FBXL2: variants seen among roughly 807,000 people sequenced by gnomAD.
The protein encoded by FBXL2 is F-box and leucine rich repeat protein 2.
FBXL2 carries 38 observed loss-of-function variants against 69.2 expected under a neutral mutation model. The observed-to-expected ratio is 0.55, with a 90% CI of 0.42 to 0.72. FBXL2 has a LOEUF of 0.72. FBXL2 is among the 30% of genes least tolerant of loss of function. FBXL2 has a pLI of 0.00. For missense variants in FBXL2, 354 were observed against 520.3 expected (o/e 0.68, Z 3.11); for synonymous variants, 192 against 201.3 (o/e 0.95, Z 0.39).
intron 14 of FBXL2, among the ~76,000 whole-genome samples, chr3:33,385,062 C>T (rs1277924706): frequency 6.6e-6 from 1 of 152,106 alleles, no homozygotes; most frequent in Non-Finnish European, 1.5e-5. Context: ...TAAAGGCAAG[C>T]AATTTAAGGT....
intron 12 of FBXL2, chr3:33,401,075 C>A: frequency 6.8e-7 from 1 of 1,461,530 alleles, no homozygotes; most frequent in South Asian, 1.3e-5. Flanking sequence ...ATGTTTTAAT[C>A]AAGGCATTAA....
intron 2 of FBXL2, among the ~76,000 whole-genome samples, chr3:33,345,033 C>A (rs1025403180): frequency 1.3e-5 from 2 of 152,186 alleles, no homozygotes; most frequent in African/African-American, 4.8e-5. Flanking sequence ...CAATGAAAGT[C>A]TTATGTTAAC....
rs543170386 is a variant in FBXL2, at chr3:33,285,870, C to CA, written c.3+8356dup. On this transcript the variant is annotated intron_variant, in intron 1 of 14. Transcript: ENST00000484457. The stretch of plus-strand genomic sequence containing the variant: ...TGCATGCATCACGTGGTTCTCATGC[C>CA]ATGGTTTTCAGCTCCATCAGGTCAT... 1.2e-3 allele frequency among the ~76,000 whole-genome samples: 182 copies of CA among 152,278 alleles called. 2 individuals are homozygous for CA. The highest frequency in any genetic ancestry group is 4.2e-3 in the African/African-American group (174 of 41,554).
the FBXL2 span, among the ~76,000 whole-genome samples, chr3:33,418,988 G>A: frequency 4.6e-5 from 7 of 151,552 alleles, no homozygotes; most frequent in African/African-American, 1.7e-4. Flanking sequence ...CATATTGAAA[G>A]ACAACTTCCA....
At chr3:33,285,682 C>G (rs1205788073) in intron 1 of FBXL2, among the ~76,000 whole-genome samples, 20 of 152,206 alleles carry the variant, frequency 1.3e-4, no homozygotes, top group Admixed American at 1.2e-3. Flanking sequence ...GTACACCAAT[C>G]AGACGTAGAT....
chr3:33,287,634 C>T (rs2034785650), intron 1 of FBXL2, among the ~76,000 whole-genome samples: 1 of 152,140 alleles, frequency 6.6e-6, no homozygotes, highest in South Asian at 2.1e-4. Context: ...AGGCACTGCA[C>T]CCAGCCTGAG....
intron 12 of FBXL2, among the ~76,000 whole-genome samples, chr3:33,399,835 CA>C (rs67934167): frequency 0.022 from 3,337 of 152,230 alleles, 123 homozygotes; most frequent in African/African-American, 0.075. Flanking sequence ...GTGAAGAGTA[CA>C]CCGAAATATC....
intron 2 of FBXL2, among the ~76,000 whole-genome samples, chr3:33,311,947 G>T (rs77179300): frequency 2.0e-5 from 3 of 151,938 alleles, no homozygotes; most frequent in African/African-American, 7.3e-5. Flanking sequence ...TATGATTTCT[G>T]TCTCTTTGTT....
intron 12 of FBXL2, chr3:33,400,270 A>T: frequency 1.2e-6 from 2 of 1,600,512 alleles, no homozygotes; most frequent in South Asian, 2.3e-5. Context: ...ATCGTAGCTG[A>T]AGGCTGAATT....
intron 2 of FBXL2, among the ~76,000 whole-genome samples, chr3:33,337,313 A>G (rs1226677046): frequency 6.6e-6 from 1 of 152,222 alleles, no homozygotes; most frequent in Non-Finnish European, 1.5e-5. Flanking sequence ...CTACAAATCT[A>G]TCAGAAAAAG....
At chr3:33,307,143 T>C (rs1222215354) in intron 2 of FBXL2, among the ~76,000 whole-genome samples, 1 of 152,154 alleles carries the variant, frequency 6.6e-6, no homozygotes, top group Non-Finnish European at 1.5e-5. Context: ...AATAGGGCAG[T>C]CTGGCAGACA....
intron 2 of FBXL2, among the ~76,000 whole-genome samples, chr3:33,329,934 G>T (rs931200085): frequency 7.2e-5 from 11 of 152,138 alleles, no homozygotes; most frequent in African/African-American, 2.7e-4. Flanking sequence ...AGCTGATAGT[G>T]ACATCACACT....
Position 33,378,558 on chromosome 3 carries a change from GC to G in FBXL2, c.895-123del, listed in dbSNP as rs1283981541. ...GTGCTGGTGAAGAGAGGAGCTCCCA[GC>G]CCCAGAGTGTTTGAGATGAGTTTTT... On this transcript the variant is annotated intron_variant, in intron 12 of 14. Transcript: ENST00000484457. 13 of 891,310 alleles carry G rather than the reference GC, an allele frequency of 1.5e-5. No individual in the cohort carries two copies. The East Asian group carries it at 2.5e-4, about 17-fold the overall frequency. The allele number at this position is 891,310 out of a possible 1,614,324, so 55.2% of individuals were successfully genotyped here.
chr3:33,368,964 T>C (rs2042121969), intron 5 of FBXL2, among the ~76,000 whole-genome samples: 1 of 152,212 alleles, frequency 6.6e-6, no homozygotes, highest in South Asian at 2.1e-4. Flanking sequence ...GTGATTATTA[T>C]GGTTAGGTTT....
chr3:33,280,887 A>G (rs964091055), intron 1 of FBXL2, among the ~76,000 whole-genome samples: 5 of 152,190 alleles, frequency 3.3e-5, no homozygotes, highest in East Asian at 1.9e-4. Context: ...ATATTTTATC[A>G]TATAATTTTC....
At chr3:33,397,008 A>C in intron 12 of FBXL2, 1 of 1,560,010 alleles carries the variant, frequency 6.4e-7, no homozygotes, top group Admixed American at 1.8e-5. Flanking sequence ...AGAAAGGTAC[A>C]TTCTTATTTC....
intron 2 of FBXL2, among the ~76,000 whole-genome samples, chr3:33,349,686 T>A (rs2040696567): frequency 6.6e-6 from 1 of 152,176 alleles, no homozygotes; most frequent in Non-Finnish European, 1.5e-5. Context: ...TTAATTTTTC[T>A]TCAAATGTTT....
chr3:33,327,544 G>A (rs1359597336), intron 2 of FBXL2, among the ~76,000 whole-genome samples: 1 of 151,998 alleles, frequency 6.6e-6, no homozygotes, highest in Non-Finnish European at 1.5e-5. Flanking sequence ...CACCACTACA[G>A]GTCATGTGTC....
Position 33,373,872 on chromosome 3 carries a change from T to C in FBXL2, c.608T>C (p.Ile203Thr). 2 of 1,614,228 alleles carry C rather than the reference T, an allele frequency of 1.2e-6. No individual in the cohort carries two copies. Among genetic ancestry groups the C allele is most frequent in the East Asian group, 2.2e-5 (1 of 44,886 alleles). Residue 203 changes from isoleucine to threonine, a missense_variant, in exon 9 of 15, where the codon ATT (isoleucine) becomes ACT (threonine). Ile to Thr is a moderately conservative substitution (Grantham distance 89). Coordinates refer to ENST00000484457, the MANE Select transcript of FBXL2 (RefSeq NM_012157.5). ...TTAGAAGATGAAGCTCTGAAACACATTCAGAATTACTGCCATGAGCTTGTG... is the reference window on the plus strand; with the variant it reads ...TTAGAAGATGAAGCTCTGAAACACACTCAGAATTACTGCCATGAGCTTGTG... ...TQLEDEALKH[I>T]QNYCHELVSL...
Sources: gnomAD v4.1 joint callset for allele counts (sites outside exome capture counted in the v4.1 genomes callset) on GRCh38, gnomAD v4.1.1 for gene constraint, MANE v1.5 for transcripts, NCBI Gene and HGNC (gene_info 2026-07-23, HGNC 2026-07-21) for gene names.